The following PRIM2 variants were observed in gnomAD, a reference collection of about 807,000 sequenced individuals.
PRIM2 encodes DNA primase subunit 2, also known as DNA primase large subunit.
Under a neutral mutation model 67.3 loss-of-function variants are expected in PRIM2, and 39 were observed. That is an observed-to-expected ratio of 0.58 (90% CI 0.45 to 0.76). The LOEUF (loss-of-function observed/expected upper bound fraction) is 0.76. Among genes scored for constraint, PRIM2 ranks in the 30% least tolerant of loss-of-function variants. The pLI, the probability that PRIM2 is intolerant of heterozygous loss-of-function variation, is 0.00. For missense variants in PRIM2, 398 were observed against 598.7 expected (o/e 0.66, Z 3.50); for synonymous variants, 143 against 198.7 (o/e 0.72, Z 2.36).
intron 5 of PRIM2, among the ~76,000 whole-genome samples, chr6:57,355,686 G>T (rs1401816824): frequency 6.6e-6 from 1 of 151,962 alleles, no homozygotes; most frequent in Non-Finnish European, 1.5e-5. Flanking sequence ...TCATTCTATT[G>T]CCCAGGCTGG....
rs1413174681 is a variant in PRIM2, at chr6:57,408,837, A to C, written c.693+26669A>C. ...GGGACCTTCCTGCCTCAACCTCCCA[A>C]GTAGCTAGGATTATAGGTGCATACC... is the stretch of plus-strand genomic sequence containing the variant. On this transcript the variant is annotated intron_variant, in intron 7 of 13. Transcript: ENST00000615550. 2.0e-5 allele frequency among the ~76,000 whole-genome samples: 3 copies of C among 151,732 alleles called. No individual in the cohort carries two copies. In the South Asian group the frequency reaches 6.3e-4, roughly 32 times the overall value.
intron 10 of PRIM2, among the ~76,000 whole-genome samples, chr6:57,539,025 A>T (rs1775077576): frequency 1.3e-5 from 2 of 152,230 alleles, no homozygotes; most frequent in African/African-American, 2.4e-5. Flanking sequence ...ATTAAAAAGC[A>T]TAGATTTTTA....
At chr6:57,297,703 A>ACCAT in the PRIM2 span, among the ~76,000 whole-genome samples, 1 of 152,214 alleles carries the variant, frequency 6.6e-6, no homozygotes, top group Non-Finnish European at 1.5e-5. Context: ...ATGTTCCAGC[A>ACCAT]CCATATGTCT....
At chr6:57,284,552 A>G in the PRIM2 span, among the ~76,000 whole-genome samples, 1 of 152,162 alleles carries the variant, frequency 6.6e-6, no homozygotes, top group African/African-American at 2.4e-5. Flanking sequence ...TCTCTCCATC[A>G]TCACTCACCC....
chr6:57,549,166 C>G (rs1775350983), intron 10 of PRIM2, among the ~76,000 whole-genome samples: 5 of 152,176 alleles, frequency 3.3e-5, no homozygotes, highest in African/African-American at 1.2e-4. Context: ...GGCCTTAGAG[C>G]AAAAGCAGAG....
chr6:57,573,517 T>G (rs1303329348), intron 10 of PRIM2, among the ~76,000 whole-genome samples: 17 of 152,254 alleles, frequency 1.1e-4, no homozygotes, highest in African/African-American at 3.6e-4. Flanking sequence ...AAATAATTCT[T>G]ATTTTATGCT....
intron 7 of PRIM2, among the ~76,000 whole-genome samples, chr6:57,481,380 GT>G (rs1336241201): frequency 1.3e-5 from 2 of 152,026 alleles, no homozygotes; most frequent in Non-Finnish European, 2.9e-5. Context: ...TGGCTGTTTT[GT>G]TGTTGTTGTT....
chr6:57,611,966 G>A (rs1255551343), intron 12 of PRIM2, among the ~76,000 whole-genome samples: 13 of 152,022 alleles, frequency 8.6e-5, no homozygotes, highest in Non-Finnish European at 5.9e-5. Flanking sequence ...GAAAAAGTGT[G>A]AATGGTAAAT....
the PRIM2 span, among the ~76,000 whole-genome samples, chr6:57,246,128 C>T: frequency 6.6e-6 from 1 of 152,142 alleles, no homozygotes; most frequent in Non-Finnish European, 1.5e-5. Flanking sequence ...TTCTCTTATT[C>T]TAAGCTTCCT....
chr6:57,632,301 T>G, intron 13 of PRIM2, 100 bp downstream of exon 13: 2 of 545,320 alleles, frequency 3.7e-6, no homozygotes, highest in Non-Finnish European at 5.9e-6. Context: ...CTCTAGCTAT[T>G]TTCAGCAGAA....
chr6:57,223,709 A>T, the PRIM2 span, among the ~76,000 whole-genome samples: 3 of 152,226 alleles, frequency 2.0e-5, no homozygotes, highest in African/African-American at 7.2e-5. Flanking sequence ...CGATGAGCAC[A>T]TGAAAAGAGA....
chr6:57,347,063 G>C (rs4715662), intron 5 of PRIM2, among the ~76,000 whole-genome samples: 2 of 152,150 alleles, frequency 1.3e-5, no homozygotes, highest in Non-Finnish European at 2.9e-5. Flanking sequence ...GCTGTACTTC[G>C]GCTATTGATA....
At chr6:57,645,740 G>T (rs1777323509) in intron 13 of PRIM2, among the ~76,000 whole-genome samples, 188 bp from the exon 14 acceptor site, 1 of 152,008 alleles carries the variant, frequency 6.6e-6, no homozygotes, top group African/African-American at 2.4e-5. Flanking sequence ...AGCCATTTAG[G>T]TTTGGGTAGT....
intron 10 of PRIM2, among the ~76,000 whole-genome samples, chr6:57,593,554 C>T (rs1378908184): frequency 3.3e-5 from 5 of 152,202 alleles, no homozygotes; most frequent in East Asian, 1.9e-4. Context: ...CCATCCGCCT[C>T]GGCCTCCCAA....
chr6:57,465,294 T>C (rs1185824005), intron 7 of PRIM2, among the ~76,000 whole-genome samples: 6 of 152,156 alleles, frequency 3.9e-5, no homozygotes, highest in Non-Finnish European at 5.9e-5. Flanking sequence ...TATGATGCAT[T>C]TGCCCCAGTT....
the PRIM2 span, among the ~76,000 whole-genome samples, chr6:57,240,103 T>TGTTTG: frequency 3.1e-5 from 3 of 97,208 alleles, no homozygotes; most frequent in Non-Finnish European, 6.4e-5. Flanking sequence ...TTTTTTTTTT[T>TGTTTG]TTTTTTTTTT....
In PRIM2 at chr6:57,358,609, T is replaced by C. The variant is rs527653622; in HGVS notation, c.460-21292T>C. Among the ~76,000 whole-genome samples, 197 of 152,348 alleles carry C rather than the reference T, an allele frequency of 1.3e-3. 5 individuals carry two copies. In the East Asian group the frequency reaches 0.017, roughly 13 times the overall value. On this transcript the variant is annotated intron_variant, in intron 5 of 13. Coordinates refer to ENST00000615550, the MANE Select transcript of PRIM2 (RefSeq NM_000947.5). ...TGGGTTTAACAGTTATTCAATGTAATTGAAGTTAATGTAGCTAAAATTGCA... is the reference window on the plus strand; with the variant it reads ...TGGGTTTAACAGTTATTCAATGTAACTGAAGTTAATGTAGCTAAAATTGCA...
At chr6:57,264,131 T>C in the PRIM2 span, among the ~76,000 whole-genome samples, 1 of 152,240 alleles carries the variant, frequency 6.6e-6, no homozygotes, top group Non-Finnish European at 1.5e-5. Flanking sequence ...GGCTTTACTC[T>C]ACCAGGGAAA....
intron 7 of PRIM2, among the ~76,000 whole-genome samples, chr6:57,423,399 A>G (rs1428864390): frequency 6.6e-6 from 1 of 152,304 alleles, no homozygotes; most frequent in South Asian, 2.1e-4. Context: ...GAAGGTTAAC[A>G]TGAAAGAAAT....
Sources: gnomAD v4.1 joint callset for allele counts (sites outside exome capture counted in the v4.1 genomes callset) on GRCh38, gnomAD v4.1.1 for gene constraint, MANE v1.5 for transcripts, NCBI Gene and HGNC (gene_info 2026-07-23, HGNC 2026-07-21) for gene names.